The following ADAMTSL1 variants were observed in gnomAD, a reference collection of about 807,000 sequenced individuals.
ADAMTSL1 encodes the protein ADAMTS-like protein 1.
ADAMTSL1 carries 126 observed loss-of-function variants against 201.8 expected under a neutral mutation model. The observed-to-expected ratio is 0.62, with a 90% CI of 0.54 to 0.72. The LOEUF is 0.72. Among genes scored for constraint, ADAMTSL1 ranks in the 30% least tolerant of loss-of-function variants. The pLI is 0.00. For synonymous variants in ADAMTSL1, 1,121 were observed against 903.4 expected (o/e 1.24, Z -4.32); for missense variants, 2,679 against 2,277.8 (o/e 1.18, Z -3.59).
At chr9:18,390,826 A>C (rs1236396378) in intron 2 of ADAMTSL1, among the ~76,000 whole-genome samples, 1 of 152,226 alleles carries the variant, frequency 6.6e-6, no homozygotes, top group African/African-American at 2.4e-5. Flanking sequence ...ACACCACCTC[A>C]AAACACTGAC....
At chr9:18,008,892 A>G (rs1476953847) in intron 1 of ADAMTSL1, among the ~76,000 whole-genome samples, 2 of 151,898 alleles carry the variant, frequency 1.3e-5, no homozygotes, top group African/African-American at 2.4e-5. Context: ...AAGACTACCT[A>G]ATTTGCTTTG....
chr9:18,441,731 T>C (rs1050631218), intron 2 of ADAMTSL1, among the ~76,000 whole-genome samples: 1 of 152,088 alleles, frequency 6.6e-6, no homozygotes, highest in Non-Finnish European at 1.5e-5. Context: ...ACCTTAAATA[T>C]GTGTGTCCCA....
intron 2 of ADAMTSL1, among the ~76,000 whole-genome samples, chr9:18,322,387 C>G (rs1018598704): frequency 2.6e-5 from 4 of 152,190 alleles, no homozygotes; most frequent in Non-Finnish European, 4.4e-5. Flanking sequence ...AATCCCAGCA[C>G]TTTGGGAGGC....
intron 4 of ADAMTSL1, among the ~76,000 whole-genome samples, chr9:18,607,051 A>G (rs1825065218): frequency 6.6e-6 from 1 of 152,176 alleles, no homozygotes; most frequent in African/African-American, 2.4e-5. Flanking sequence ...TGAGCAATCC[A>G]TGTAAGCCTT....
chr9:18,518,304 C>A (rs115728346), intron 2 of ADAMTSL1, among the ~76,000 whole-genome samples: 1 of 152,132 alleles, frequency 6.6e-6, no homozygotes, highest in East Asian at 1.9e-4. Flanking sequence ...CCCAACCCAG[C>A]CTTTCCTCTT....
chr9:18,747,763 A>G (rs6475242), intron 15 of ADAMTSL1, among the ~76,000 whole-genome samples: 75,276 of 152,008 alleles, frequency 0.5, 19,020 homozygotes, highest in South Asian at 0.61. Flanking sequence ...ATGCATGGCT[A>G]AGGGTGCTCT....
intron 2 of ADAMTSL1, among the ~76,000 whole-genome samples, chr9:18,283,909 C>T (rs1359203632): frequency 4.3e-4 from 6 of 13,920 alleles, no homozygotes; most frequent in Admixed American, 1.1e-3. Flanking sequence ...CAGAGCAAGA[C>T]TCCGTCTAAA....
chr9:18,696,865 A>ATATTATTATTAT (rs142242579), intron 13 of ADAMTSL1, among the ~76,000 whole-genome samples: 20,511 of 142,100 alleles, frequency 0.14, 1,714 homozygotes, highest in African/African-American at 0.22. Context: ...CATGTCAAAA[A>ATATTATTATTAT]TATTATTATT....
chr9:18,183,536 C>G (rs1828593780), intron 2 of ADAMTSL1, among the ~76,000 whole-genome samples: 1 of 152,118 alleles, frequency 6.6e-6, no homozygotes, highest in Admixed American at 6.6e-5. Flanking sequence ...AACAAACAAT[C>G]CAGTTCAAAA....
intron 1 of ADAMTSL1, among the ~76,000 whole-genome samples, chr9:17,938,671 G>C (rs1827109437): frequency 6.6e-6 from 1 of 152,186 alleles, no homozygotes; most frequent in Non-Finnish European, 1.5e-5. Context: ...AGCTAGGTAT[G>C]AGGAGAGATT....
chr9:18,603,238 G>C lies in ADAMTSL1; in HGVS notation c.475-19005G>C, dbSNP rs73433514. ...GTATGATTGGTACCATTTTACAGGT[G>C]AAGAAACCAAGGCCTAGAAAGATGA... On this transcript the variant is annotated intron_variant, in intron 4 of 28. Coordinates refer to ENST00000380548, the MANE Select transcript of ADAMTSL1 (RefSeq NM_001040272.6). Among the ~76,000 whole-genome samples, 975 of 152,228 alleles carry C rather than the reference G, an allele frequency of 6.4e-3. 7 individuals are homozygous for C. The highest frequency in any genetic ancestry group is 0.022 in the African/African-American group (918 of 41,536).
In ADAMTSL1 at chr9:18,668,035, C is replaced by CA. The variant is rs879345864; in HGVS notation, c.1085+5972dup. On this transcript the variant is annotated intron_variant, in intron 9 of 28. Coordinates refer to ENST00000380548, the MANE Select transcript of ADAMTSL1 (RefSeq NM_001040272.6). ...ATGGGACTTAGGCCAGGTATGTCTC[C>CA]AAAAAAAAAACTCAGTGTAAGGACA... 1.8e-3 allele frequency among the ~76,000 whole-genome samples: 257 copies of CA among 143,440 alleles called. 1 individual carries two copies. The highest frequency in any genetic ancestry group is 0.015 in the East Asian group (73 of 4,958). 94.1% of individuals were successfully genotyped at this position (143,440 alleles called of 152,430 possible).
At chr9:18,077,400 G>C (rs773941469) in intron 1 of ADAMTSL1, among the ~76,000 whole-genome samples, 16 of 152,204 alleles carry the variant, frequency 1.1e-4, no homozygotes, top group Non-Finnish European at 2.2e-4. Context: ...AAAGGAGATG[G>C]AGAACAGCTA....
intron 2 of ADAMTSL1, among the ~76,000 whole-genome samples, chr9:18,175,018 A>C (rs191017150): frequency 6.6e-6 from 1 of 152,320 alleles, no homozygotes; most frequent in East Asian, 1.9e-4. Flanking sequence ...TTCTTTTGCT[A>C]AGAGAAAATA....
chr9:18,368,696 T>C (rs1305233478), intron 2 of ADAMTSL1, among the ~76,000 whole-genome samples: 1 of 152,234 alleles, frequency 6.6e-6, no homozygotes, highest in African/African-American at 2.4e-5. Context: ...TTGTATCACA[T>C]GCTGCCTTCT....
At chr9:17,944,520 CA>C (rs1827375928) in intron 1 of ADAMTSL1, among the ~76,000 whole-genome samples, 1 of 151,486 alleles carries the variant, frequency 6.6e-6, no homozygotes, top group Admixed American at 6.6e-5. Context: ...AATCCTAAGC[CA>C]AAAGAACAAA....
rs867371309 is a variant in ADAMTSL1 at position 17,998,387 on chromosome 9, T to C, written c.87+91465T>C. Among the ~76,000 whole-genome samples the C allele has an allele frequency of 1.4e-4, 22 of 151,802 alleles. 1 individual carries two copies. The highest frequency in any genetic ancestry group is 5.1e-4 in the African/African-American group (21 of 41,356). On this transcript the variant is annotated intron_variant, in intron 1 of 29. Coordinates refer to the ADAMTSL1 transcript ENST00000680146. The stretch of plus-strand genomic sequence containing the variant: ...GGCTGGGAGGCAGAGCTAGGGTAGA[T>C]AGGGGAAGGCTGAAGACAGGTGAGA...
intron 3 of ADAMTSL1, among the ~76,000 whole-genome samples, chr9:18,571,077 A>AT (rs1201212515): frequency 6.6e-6 from 1 of 152,188 alleles, no homozygotes. Flanking sequence ...TTTAGGTCCT[A>AT]TTTTTCTTAG....
chr9:18,790,172 A>G (rs1821941518), intron 19 of ADAMTSL1, among the ~76,000 whole-genome samples: 1 of 152,244 alleles, frequency 6.6e-6, no homozygotes, highest in South Asian at 2.1e-4. Flanking sequence ...GAATGAGTCT[A>G]TATACTCTTC....
Sources: allele counts gnomAD v4.1 joint callset (sites outside exome capture counted in the v4.1 genomes callset), GRCh38; gene constraint gnomAD v4.1.1; transcripts MANE v1.5; gene names NCBI Gene and HGNC (gene_info 2026-07-23, HGNC 2026-07-21).